The following PTGER3 variants were observed in gnomAD, a reference collection of about 807,000 sequenced individuals.
PTGER3 encodes prostaglandin E2 receptor EP3 subtype.
In PTGER3, 22 loss-of-function variants were observed where a neutral mutation model predicts 34.7. The observed-to-expected ratio is 0.63, with a 90% CI of 0.45 to 0.91. The LOEUF (loss-of-function observed/expected upper bound fraction) is 0.91. Ranked by LOEUF, PTGER3 falls within the 40% of genes least tolerant of loss-of-function variation. The probability of loss-of-function intolerance (pLI) is 0.00; values close to 1 mark genes in which losing one functional copy is unlikely to be tolerated. For synonymous variants in PTGER3, 241 were observed against 230.1 expected (o/e 1.05, Z -0.43); for missense variants, 468 against 519.4 (o/e 0.90, Z 0.96).
intron 4 of PTGER3, among the ~76,000 whole-genome samples, chr1:70,913,494 C>T (rs1000979198): frequency 6.6e-6 from 1 of 151,770 alleles, no homozygotes; most frequent in Non-Finnish European, 1.5e-5. Flanking sequence ...CTTATTCTTG[C>T]CTCATTATCC....
chr1:70,963,112 C>T (rs1652116170), intron 2 of PTGER3, among the ~76,000 whole-genome samples: 1 of 152,222 alleles, frequency 6.6e-6, no homozygotes. Flanking sequence ...CCAAAATGAT[C>T]TCCTTTGACT....
chr1:70,961,268 GA>G (rs1651905212), intron 2 of PTGER3, among the ~76,000 whole-genome samples: 1 of 152,184 alleles, frequency 6.6e-6, no homozygotes. Flanking sequence ...GGTGAGTTTG[GA>G]AAATGCTACA....
intron 4 of PTGER3, among the ~76,000 whole-genome samples, chr1:70,919,218 C>T (rs1647304658): frequency 6.6e-6 from 1 of 152,090 alleles, no homozygotes; most frequent in African/African-American, 2.4e-5. Flanking sequence ...TGGGATCTAA[C>T]CCAATCCAAA....
chr1:70,856,311 G>C (rs1188968327), intron 4 of PTGER3, among the ~76,000 whole-genome samples: 2 of 151,842 alleles, frequency 1.3e-5, no homozygotes, highest in Non-Finnish European at 2.9e-5. Context: ...GTGGTGGCAG[G>C]GGCCTGTAAT....
intron 4 of PTGER3, among the ~76,000 whole-genome samples, chr1:70,896,132 A>G (rs1646718027): frequency 6.6e-6 from 1 of 152,152 alleles, no homozygotes; most frequent in Non-Finnish European, 1.5e-5. Flanking sequence ...TTTTTTTCAA[A>G]TGTCCTTACT....
At chr1:70,991,839 T>C (rs1310929552) in intron 2 of PTGER3, among the ~76,000 whole-genome samples, 1 of 152,192 alleles carries the variant, frequency 6.6e-6, no homozygotes, top group East Asian at 1.9e-4. Flanking sequence ...ACTCAGATAA[T>C]GCATTTACTT....
At chr1:70,888,288 A>G (rs774133748) in intron 4 of PTGER3, among the ~76,000 whole-genome samples, 6 of 152,184 alleles carry the variant, frequency 3.9e-5, no homozygotes, top group Non-Finnish European at 7.4e-5. Flanking sequence ...AGGATAAATA[A>G]TAGGCTTCTG....
rs1346915650 is a variant in PTGER3, at chr1:70,924,892, C to A, written c.*23+28871G>T. 2.6e-5 allele frequency among the ~76,000 whole-genome samples: 4 copies of A among 152,216 alleles called. No individual in the cohort carries two copies. The East Asian group carries it at 7.7e-4, about 29-fold the overall frequency. ...TGGGGTCTGAATCCTGTCCTCTTTCCTGTAACAATATGGCTAGCCAAAGAT... is the reference window on the plus strand; with the variant it reads ...TGGGGTCTGAATCCTGTCCTCTTTCATGTAACAATATGGCTAGCCAAAGAT... On this transcript the variant is annotated intron_variant, in intron 4 of 4. Coordinates refer to the PTGER3 transcript ENST00000370931.
chr1:71,047,637 GC>G lies in PTGER3; in HGVS notation c.-61del. 6.9e-7 allele frequency: 1 copy of G among 1,450,268 alleles called. No individual in the cohort carries two copies. Among genetic ancestry groups the G allele is most frequent in the Non-Finnish European group, 9.1e-7 (1 of 1,097,456 alleles). 89.8% of individuals were successfully genotyped at this position (1,450,268 alleles called of 1,614,324 possible). A position where few individuals can be genotyped will look rare whatever the true frequency, so the allele number is the denominator to read the frequency against. On this transcript the variant is annotated 5_prime_UTR_variant, in exon 1 of 4. Coordinates refer to ENST00000306666, the MANE Select transcript of PTGER3 (RefSeq NM_198719.2). Reference sequence around the variant, plus strand: ...AGAGCCGCAGCGGGAGGGGGCAGACGCGGCGCGGGCGGCGGCGGAGGTCGGC... The same window carrying G: ...AGAGCCGCAGCGGGAGGGGGCAGACGGGCGCGGGCGGCGGCGGAGGTCGGC...
intron 2 of PTGER3, chr1:71,006,200 A>G (rs1029115767): frequency 6.1e-6 from 6 of 985,264 alleles, no homozygotes; most frequent in Non-Finnish European, 7.2e-6. Flanking sequence ...TGTAGAGACA[A>G]TAAGATCTGG....
At chr1:70,872,661 A>G (rs1408458157) in intron 4 of PTGER3, among the ~76,000 whole-genome samples, 2 of 152,226 alleles carry the variant, frequency 1.3e-5, no homozygotes, top group Non-Finnish European at 2.9e-5. Context: ...TATGACATCT[A>G]GACCACAAAC....
intron 4 of PTGER3, among the ~76,000 whole-genome samples, chr1:70,861,289 T>G (rs1324943837): frequency 6.6e-6 from 1 of 152,218 alleles, no homozygotes; most frequent in Non-Finnish European, 1.5e-5. Context: ...AGAAAGGTTT[T>G]GCTCATTTCT....
chr1:71,007,301 A>G (rs1314561304), intron 2 of PTGER3: 3 of 985,680 alleles, frequency 3.0e-6, no homozygotes, highest in African/African-American at 1.7e-5. Flanking sequence ...GTTTGCTTAA[A>G]CAGGCTTACA....
At chr1:70,917,215 C>A (rs1425166065) in intron 4 of PTGER3, among the ~76,000 whole-genome samples, 2 of 151,586 alleles carry the variant, frequency 1.3e-5, no homozygotes, top group African/African-American at 4.8e-5. Flanking sequence ...TCTCCTCAGT[C>A]TCTGGTTACT....
chr1:70,929,965 CTT>C (rs777971957), intron 4 of PTGER3, among the ~76,000 whole-genome samples: 9 of 152,162 alleles, frequency 5.9e-5, no homozygotes, highest in Non-Finnish European at 8.8e-5. Flanking sequence ...AATGCTTCCT[CTT>C]ATATTGCTCT....
chr1:70,903,542 C>T (rs921768872), intron 4 of PTGER3, among the ~76,000 whole-genome samples: 1 of 152,146 alleles, frequency 6.6e-6, no homozygotes, highest in African/African-American at 2.4e-5. Context: ...AATAAAATCA[C>T]CTTCTTAAGT....
intron 4 of PTGER3, among the ~76,000 whole-genome samples, chr1:70,895,868 A>G (rs1020327077): frequency 1.3e-5 from 2 of 152,244 alleles, no homozygotes; most frequent in Non-Finnish European, 2.9e-5. Flanking sequence ...AAACAGTTGT[A>G]CTAGACCAGG....
At chr1:71,009,912 A>G in intron 2 of PTGER3, 1 of 985,242 alleles carries the variant, frequency 1.0e-6, no homozygotes, top group Non-Finnish European at 1.2e-6. Context: ...CTCAACCATC[A>G]TGAAAAGGCT....
intron 2 of PTGER3, among the ~76,000 whole-genome samples, chr1:70,978,214 T>C (rs1188277423): frequency 6.6e-6 from 1 of 152,152 alleles, no homozygotes; most frequent in Middle Eastern, 3.2e-3. Context: ...CTAATAAAAC[T>C]AGTCTCTTAG....
Sources: gnomAD v4.1 joint callset for allele counts (sites outside exome capture counted in the v4.1 genomes callset) on GRCh38, gnomAD v4.1.1 for gene constraint, MANE v1.5 for transcripts, NCBI Gene and HGNC (gene_info 2026-07-23, HGNC 2026-07-21) for gene names.